RICTOR: variants seen among roughly 807,000 people sequenced by gnomAD.
RICTOR encodes rapamycin-insensitive companion of mTOR.
Under a neutral mutation model 214.9 loss-of-function variants are expected in RICTOR, and 49 were observed. That is an observed-to-expected ratio of 0.23 (90% CI 0.18 to 0.29). The LOEUF is 0.29. Ranked by LOEUF, RICTOR falls within the 10% of genes least tolerant of loss-of-function variation. The pLI is 1.00. For synonymous variants in RICTOR, 717 were observed against 711.3 expected (o/e 1.01, Z -0.13); for missense variants, 1,625 against 2,047.0 (o/e 0.79, Z 3.98).
chr5:39,005,800 C>A (rs16867961), intron 3 of RICTOR, among the ~76,000 whole-genome samples: 2 of 152,146 alleles, frequency 1.3e-5, no homozygotes, highest in Non-Finnish European at 2.9e-5. Flanking sequence ...GTTGAGTCCA[C>A]GTTAGGTGGT....
chr5:39,015,515 G>C lies in RICTOR; in HGVS notation c.195+5524C>G, dbSNP rs181258712. 1.1e-3 allele frequency among the ~76,000 whole-genome samples: 171 copies of C among 151,884 alleles called. No homozygotes were observed. In the Middle Eastern group the frequency reaches 0.017, roughly 15 times the overall value. On this transcript the variant is annotated intron_variant, in intron 3 of 37. Coordinates refer to ENST00000357387, the MANE Select transcript of RICTOR (RefSeq NM_152756.5). ...TTTGGCAATATCTGGAGACATTTCT[G>C]CTTGTCACAACTGGTTTGGGGTGGG...
intron 2 of RICTOR, among the ~76,000 whole-genome samples, chr5:39,069,370 G>A (rs1204477654): frequency 1.3e-5 from 2 of 152,192 alleles, no homozygotes; most frequent in Non-Finnish European, 2.9e-5. Context: ...ATTGCTTGCT[G>A]AACATGAGAA....
Position 39,062,124 on chromosome 5 carries a change from T to C in RICTOR, c.97+11987A>G, listed in dbSNP as rs1257493882. On this transcript the variant is annotated intron_variant, in intron 2 of 37. Coordinates refer to ENST00000357387, the MANE Select transcript of RICTOR (RefSeq NM_152756.5). Reference sequence around the variant, plus strand: ...CCATTAAAAACACCGCTGAAAGTTATAGCCTACAGTAATACGTCACTCTAA... The same window carrying C: ...CCATTAAAAACACCGCTGAAAGTTACAGCCTACAGTAATACGTCACTCTAA... Among the ~76,000 whole-genome samples, 4 of 152,220 alleles carry C rather than the reference T, an allele frequency of 2.6e-5. No homozygotes were observed. The East Asian group carries it at 5.8e-4, about 22-fold the overall frequency.
chr5:39,023,800 T>C (rs1482548956), intron 2 of RICTOR, among the ~76,000 whole-genome samples: 2 of 152,244 alleles, frequency 1.3e-5, no homozygotes, highest in Non-Finnish European at 2.9e-5. Context: ...GTGTTGTCTA[T>C]GACAACAAAT....
At chr5:39,029,218 T>G (rs1212044682) in intron 2 of RICTOR, among the ~76,000 whole-genome samples, 2 of 152,196 alleles carry the variant, frequency 1.3e-5, no homozygotes, top group African/African-American at 4.8e-5. Flanking sequence ...CATTTTATTT[T>G]GTGTTAATTA....
Position 38,950,693 on chromosome 5 carries a change from A to C in RICTOR, c.3155T>G (p.Phe1052Cys). 2 of 1,601,460 alleles carry C rather than the reference A, an allele frequency of 1.2e-6. No individual in the cohort carries two copies. The highest frequency in any genetic ancestry group is 2.2e-5 in the South Asian group (2 of 88,968). ...SSMFILEDDR[F>C]GSSSTSTFFL... Reference sequence around the variant, plus strand: ...AAATGTGCTAGTAGAGCTGCTGCCAAACCGGTCATCCTCCAATATGAACAT... The same window carrying C: ...AAATGTGCTAGTAGAGCTGCTGCCACACCGGTCATCCTCCAATATGAACAT... Residue 1052 changes from phenylalanine to cysteine, a missense_variant, in exon 31 of 38, where the codon TTT (phenylalanine) becomes TGT (cysteine). Physicochemically the swap from Phe to Cys is radical, Grantham distance 205. Transcript: ENST00000357387.
chr5:39,000,888 T>C (rs1753564597), intron 5 of RICTOR, among the ~76,000 whole-genome samples: 1 of 151,904 alleles, frequency 6.6e-6, no homozygotes, highest in South Asian at 2.1e-4. Context: ...ATCAGAAAAA[T>C]ATCTTAGAAT....
At position 38,967,349 on chromosome 5, in the gene RICTOR, C is replaced by G. The variant is rs200672374; in HGVS notation, c.1139G>C (p.Arg380Pro). ...TTTTAAATTCTACCTGGATCTGGCA[C>G]GATGAGGAAGAATAGTTTTTGCCTC... Reference protein sequence around the residue: ...AAEAKTILPHRARSRPDLMDN... With the variant: ...AAEAKTILPHPARSRPDLMDN... Residue 380 changes from arginine (R) to proline (P), a missense_variant, in exon 13 of 38, where the codon CGT becomes CCT. By Grantham distance (103) the Arg-to-Pro change is moderately radical (BLOSUM62 -2). Transcript: ENST00000357387. The G allele has an allele frequency of 4.3e-6, 7 of 1,613,256 alleles. No homozygotes were observed. Among genetic ancestry groups the G allele is most frequent in the Non-Finnish European group, 5.9e-6 (7 of 1,179,462 alleles).
chr5:38,996,826 A>G lies in RICTOR; in HGVS notation c.449T>C (p.Val150Ala). ...EVERTQALRLVRKMITVNASL... is the reference protein window; with the variant it reads ...EVERTQALRLARKMITVNASL... ...CTCACACATAGAGCATACCTTTCTGACTAATCGAAGTGCTTGTGTCCTCTC... is the reference window on the plus strand; with the variant it reads ...CTCACACATAGAGCATACCTTTCTGGCTAATCGAAGTGCTTGTGTCCTCTC... Residue 150 changes from valine to alanine, a missense_variant, in exon 6 of 38, where the codon GTC becomes GCC. Val to Ala is a moderately conservative substitution (Grantham distance 64). Around this residue, in one of 5 missense-constraint regions of RICTOR, gnomAD observed 258 missense variants for 393.7 expected, o/e 0.66. Transcript: ENST00000357387. 1 of 1,607,656 alleles carries G rather than the reference A, an allele frequency of 6.2e-7. No individual in the cohort carries two copies. The highest frequency in any genetic ancestry group is 8.5e-7 in the Non-Finnish European group (1 of 1,174,540).
chr5:38,987,726 G>C (rs1344929856), intron 7 of RICTOR, among the ~76,000 whole-genome samples: 2 of 151,922 alleles, frequency 1.3e-5, no homozygotes, highest in African/African-American at 4.8e-5. Flanking sequence ...TTTGATCTCA[G>C]TTATTTCTTG....
At chr5:38,949,564 G>A in intron 31 of RICTOR, 148 bp downstream of exon 31, 2 of 1,038,728 alleles carry the variant, frequency 1.9e-6, no homozygotes, top group Admixed American at 5.3e-5. Context: ...GTCATATCGG[G>A]TAACAAGGAG....
At chr5:39,047,604 A>C (rs1378332543) in intron 2 of RICTOR, among the ~76,000 whole-genome samples, 1 of 152,250 alleles carries the variant, frequency 6.6e-6, no homozygotes, top group Non-Finnish European at 1.5e-5. Flanking sequence ...TTTGTACAAC[A>C]TTACCTATTC....
intron 9 of RICTOR, among the ~76,000 whole-genome samples, chr5:38,976,954 A>G (rs557826736): frequency 6.6e-6 from 1 of 152,108 alleles, no homozygotes; most frequent in African/African-American, 2.4e-5. Flanking sequence ...GACTGTGACT[A>G]TGTTTATGTT....
chr5:39,043,595 C>G lies in RICTOR; in HGVS notation c.98-22459G>C, dbSNP rs149280636. ...TACTGTATTGTATATTTCAAAATAACTAGGAGAAAGGATTTTGAACATTCT... is the reference window on the plus strand; with the variant it reads ...TACTGTATTGTATATTTCAAAATAAGTAGGAGAAAGGATTTTGAACATTCT... On this transcript the variant is annotated intron_variant, in intron 2 of 37. Coordinates refer to ENST00000357387, the MANE Select transcript of RICTOR (RefSeq NM_152756.5). Among the ~76,000 whole-genome samples, 236 of 152,224 alleles carry G rather than the reference C, an allele frequency of 1.6e-3. 2 individuals carry two copies. Among genetic ancestry groups the G allele is most frequent in the African/African-American group, 5.5e-3 (227 of 41,536 alleles).
intron 8 of RICTOR, chr5:38,981,278 C>T (rs548854494): frequency 6.6e-6 from 1 of 151,988 alleles, no homozygotes; most frequent in Non-Finnish European, 1.5e-5. Flanking sequence ...AATACATGCA[C>T]ACGAAGAAAC....
intron 2 of RICTOR, among the ~76,000 whole-genome samples, chr5:39,061,324 G>T (rs546600824): frequency 7.2e-5 from 11 of 152,162 alleles, no homozygotes; most frequent in African/African-American, 2.2e-4. Flanking sequence ...CTAATTCAAT[G>T]TAAGAGTTTT....
chr5:39,012,393 T>C (rs1254791187), intron 3 of RICTOR, among the ~76,000 whole-genome samples: 1 of 152,148 alleles, frequency 6.6e-6, no homozygotes, highest in East Asian at 1.9e-4. Context: ...GTGAGTCAAT[T>C]AAACATCTTT....
At chr5:38,964,665 A>G in intron 16 of RICTOR, 127 bp downstream of exon 16, 1 of 471,116 alleles carries the variant, frequency 2.1e-6, no homozygotes, top group Non-Finnish European at 3.7e-6. Flanking sequence ...TTTTTCCTTT[A>G]GCAAATTCCT....
In RICTOR at chr5:39,002,660, C is replaced by T. The variant is rs1465960782; in HGVS notation, c.267G>A (p.Arg89=). 1 of 1,602,284 alleles carries T rather than the reference C, an allele frequency of 6.2e-7. No individual in the cohort carries two copies. Among genetic ancestry groups the T allele is most frequent in the Non-Finnish European group, 8.5e-7 (1 of 1,176,416 alleles). Residue 89 remains arginine (R), a synonymous_variant, in exon 5 of 38, where the codon CGG becomes CGA. Transcript: ENST00000357387. ...CTTTTGCTTCATTTAATAAAGCTAACCGCAAACTGTATGAAAACAAACAAA... is the reference window on the plus strand; with the variant it reads ...CTTTTGCTTCATTTAATAAAGCTAATCGCAAACTGTATGAAAACAAACAAA... The part of the protein sequence containing the change: ...FHYEDIIICL[R]LALLNEAKEV...
Sources: gnomAD v4.1 joint callset for allele counts (sites outside exome capture counted in the v4.1 genomes callset) on GRCh38, gnomAD v4.1.1 for gene constraint, gnomAD v4.1.1 regional missense constraint, MANE v1.5 for transcripts, NCBI Gene and HGNC (gene_info 2026-07-23, HGNC 2026-07-21) for gene names.